Variants in KLK15 observed in about 807,000 individuals in gnomAD.
KLK15 encodes kallikrein-15.
KLK15 carries 19 observed loss-of-function variants against 21.1 expected under a neutral mutation model. That is an observed-to-expected ratio of 0.90 (90% confidence interval 0.63 to 1.32). The LOEUF is 1.32. Ranked by LOEUF, KLK15 falls within the 40% of genes most tolerant of loss-of-function variation. The pLI, the probability that KLK15 is intolerant of heterozygous loss-of-function variation, is 0.00. For synonymous variants in KLK15, 141 were observed against 141.5 expected, an observed-to-expected ratio of 1.00 and a Z score of 0.03; for missense variants, 345 against 348.6, an observed-to-expected ratio of 0.99 and a Z score of 0.08.
At position 50,827,178 on chromosome 19, in the gene KLK15, T is replaced by A; in HGVS notation, c.198-17A>T. On this transcript the variant is annotated splice_polypyrimidine_tract_variant and intron_variant, in intron 2 of 4. Coordinates refer to ENST00000598239, the Ensembl canonical transcript of KLK15. ...CTCATGAAGCTGTGCGGGCGAGTGG[T>A]TTTCCCGCCAGTGGAGTGCGGGCCA... The A allele has an allele frequency of 6.4e-7, 1 of 1,558,348 alleles. No individual in the cohort carries two copies. Among genetic ancestry groups the A allele is most frequent in the Non-Finnish European group, 8.6e-7 (1 of 1,156,342 alleles).
At chr19:50,828,314 A>G (rs2089921387) in intron 1 of KLK15, among the ~76,000 whole-genome samples, 1 of 151,496 alleles carries the variant, frequency 6.6e-6, no homozygotes, top group African/African-American at 2.4e-5. Flanking sequence ...CATTTGCTAT[A>G]AGACTCTGGG....
chr19:50,830,429 C>A (rs1165649023), intron 1 of KLK15: 3 of 152,056 alleles, frequency 2.0e-5, no homozygotes, highest in African/African-American at 7.2e-5. Flanking sequence ...AGGGGCTTAA[C>A]AAAGGAAGGG....
At chr19:50,825,736 C>T, downstream of KLK15, 1 of 1,548,686 alleles carries the variant, frequency 6.5e-7, no homozygotes, top group Non-Finnish European at 8.8e-7. Context: ...TCAGGCGGGG[C>T]TGCTGGCCAG....
At chr19:50,831,272 G>A (rs988445749) in intron 1 of KLK15, 178 bp downstream of exon 2, 2 of 441,756 alleles carry the variant, frequency 4.5e-6, no homozygotes, top group Admixed American at 4.5e-5. Context: ...CGACTCCAGA[G>A]CAGCAGCACC....
exon 3 of KLK15, chr19:50,827,007 G>C: frequency 6.2e-7 from 1 of 1,605,994 alleles, no homozygotes; most frequent in Non-Finnish European, 8.5e-7. Context: ...TGGGGGTTCA[G>C]GCGTGCGGGC....
intron 1 of KLK15, among the ~76,000 whole-genome samples, 179 bp from the exon 3 acceptor site, chr19:50,827,994 C>A: frequency 6.6e-6 from 1 of 151,370 alleles, no homozygotes; most frequent in Non-Finnish European, 1.5e-5. Context: ...ACTCTTTTGC[C>A]CAGGCTGGAG....
At chr19:50,833,494 G>A (rs1047810780), upstream of KLK15, among the ~76,000 whole-genome samples, 1 of 152,118 alleles carries the variant, frequency 6.6e-6, no homozygotes, top group Non-Finnish European at 1.5e-5. Context: ...TCTCCCCTTT[G>A]CCCCTCCCTC....
chr19:50,827,201 C>G (rs1275261176), intron 2 of KLK15, 40 bp from the exon 4 acceptor site: 6 of 1,535,358 alleles, frequency 3.9e-6, no homozygotes, highest in Non-Finnish European at 5.2e-6. Context: ...GGAGTGCGGG[C>G]CAGTGGTTAC....
intron 1 of KLK15, among the ~76,000 whole-genome samples, chr19:50,830,865 A>C (rs1352997780): frequency 6.6e-6 from 1 of 152,136 alleles, no homozygotes; most frequent in Non-Finnish European, 1.5e-5. Context: ...GTAAGCTCTA[A>C]GCACCGTGCC....
At chr19:50,827,621 G>A (rs2123406831) in intron 2 of KLK15, 41 bp downstream of exon 3, 1 of 1,592,218 alleles carries the variant, frequency 6.3e-7, no homozygotes, top group Non-Finnish European at 8.6e-7. Flanking sequence ...TCTTCCCCCC[G>A]AACCAGGCTC....
intron 1 of KLK15, among the ~76,000 whole-genome samples, chr19:50,830,320 A>T (rs2123419575): frequency 6.6e-6 from 1 of 151,946 alleles, no homozygotes; most frequent in Non-Finnish European, 1.5e-5. Flanking sequence ...CAGGGGCAGG[A>T]TTTGCACAGC....
intron 1 of KLK15, 128 bp from the exon 3 acceptor site, chr19:50,827,943 G>GT (rs74313322): frequency 1 from 829,339 of 829,364 alleles, 414,657 homozygotes; most frequent in Middle Eastern, 1. Flanking sequence ...ACCCTGCCCT[G>GT]TTTTTGTTTG....
exon 3 of KLK15, chr19:50,827,013 C>A (rs779770078): frequency 1.8e-5 from 29 of 1,605,852 alleles, no homozygotes; most frequent in Non-Finnish European, 2.5e-5. Flanking sequence ...TTCAGGCGTG[C>A]GGGCTGGACT....
chr19:50,826,004 T>C, intron 4 of KLK15, 56 bp from the exon 6 acceptor site: 1 of 1,529,544 alleles, frequency 6.5e-7, no homozygotes, highest in Non-Finnish European at 8.9e-7. Flanking sequence ...TTCATCCTCA[T>C]CCTAATCACC....
chr19:50,827,608 A>C (rs2089906387), intron 2 of KLK15, 54 bp downstream of exon 3: 1 of 1,565,974 alleles, frequency 6.4e-7, no homozygotes, highest in Non-Finnish European at 8.7e-7. Flanking sequence ...CAAATCTAGG[A>C]GCTCTTCCCC....
At chr19:50,832,683 G>A (rs2090011511), upstream of KLK15, among the ~76,000 whole-genome samples, 1 of 152,128 alleles carries the variant, frequency 6.6e-6, no homozygotes, top group Non-Finnish European at 1.5e-5. Context: ...GGTCTCCCAT[G>A]ACCTTGTCCT....
chr19:50,827,119 G>A, exon 3 of KLK15: 1 of 1,601,936 alleles, frequency 6.2e-7, no homozygotes, highest in Non-Finnish European at 8.5e-7. Flanking sequence ...CTGGGCCATC[G>A]CGCTTGCGCA....
chr19:50,826,799 G>A (rs1568483346), intron 3 of KLK15, 42 bp from the exon 5 acceptor site: 1 of 1,587,610 alleles, frequency 6.3e-7, no homozygotes, highest in Non-Finnish European at 8.6e-7. Flanking sequence ...ATAAATTCCG[G>A]CCCTTGTCCC....
At chr19:50,827,329 T>G (rs867964417) in intron 2 of KLK15, among the ~76,000 whole-genome samples, 168 bp from the exon 4 acceptor site, 1 of 144,982 alleles carries the variant, frequency 6.9e-6, no homozygotes, top group Admixed American at 7.0e-5. Context: ...TTCCAGCCCC[T>G]GCTCCTCAAG....
Sources: gnomAD v4.1 joint callset for allele counts (sites outside exome capture counted in the v4.1 genomes callset) on GRCh38, gnomAD v4.1.1 for gene constraint, MANE v1.5 for transcripts, NCBI Gene and HGNC (gene_info 2026-07-23, HGNC 2026-07-21) for gene names.